The following SPAG1 variants were observed in gnomAD, a reference collection of about 807,000 sequenced individuals.
SPAG1 encodes sperm associated antigen 1, also known as sperm-associated antigen 1.
In SPAG1, 69 loss-of-function variants were observed where a neutral mutation model predicts 100.5. The ratio of observed to expected loss-of-function variants is 0.69; its 90% confidence interval spans 0.57 to 0.84. The LOEUF is 0.84. SPAG1 is among the 40% of genes least tolerant of loss of function. SPAG1 has a pLI of 0.00. For synonymous variants in SPAG1, 336 were observed against 411.6 expected (o/e 0.82, Z 2.22); for missense variants, 955 against 1,133.1 (o/e 0.84, Z 2.26).
intron 10 of SPAG1, among the ~76,000 whole-genome samples, chr8:100,206,990 C>G (rs999310063): frequency 5.3e-5 from 8 of 152,116 alleles, no homozygotes; most frequent in African/African-American, 1.7e-4. Context: ...TTGGCAGGCC[C>G]CCATAGATGA....
intron 3 of SPAG1, among the ~76,000 whole-genome samples, chr8:100,175,853 T>C (rs1816091254): frequency 6.6e-6 from 1 of 152,188 alleles, no homozygotes; most frequent in Non-Finnish European, 1.5e-5. Context: ...GGCCTTCTTG[T>C]TGTACAGCCA....
intron 9 of SPAG1, among the ~76,000 whole-genome samples, chr8:100,192,152 G>C (rs1816844204): frequency 6.6e-6 from 1 of 152,152 alleles, no homozygotes; most frequent in Non-Finnish European, 1.5e-5. Context: ...GGATTTATGT[G>C]ATGGCTGACA....
At chr8:100,223,051 A>G (rs1166554457) in intron 13 of SPAG1, among the ~76,000 whole-genome samples, 1 of 152,204 alleles carries the variant, frequency 6.6e-6, no homozygotes, top group Non-Finnish European at 1.5e-5. Context: ...TTCACTTAGC[A>G]TAATGTCTTC....
intron 9 of SPAG1, among the ~76,000 whole-genome samples, chr8:100,192,228 G>A (rs1013670664): frequency 6.6e-6 from 1 of 152,176 alleles, no homozygotes; most frequent in Non-Finnish European, 1.5e-5. Flanking sequence ...TCTTTGGGAG[G>A]CTGAGGCAGG....
intron 14 of SPAG1, among the ~76,000 whole-genome samples, chr8:100,230,396 G>A (rs906253357): frequency 5.3e-5 from 8 of 152,334 alleles, no homozygotes; most frequent in Admixed American, 3.9e-4. Flanking sequence ...GCTGTGTGAG[G>A]CAGCATAGAT....
In SPAG1 at chr8:100,186,060, C is replaced by CTTTTT. The variant is rs71274962; in HGVS notation, c.702-1041_702-1037dup. On this transcript the variant is annotated intron_variant, in intron 7 of 18. Transcript: ENST00000388798. ...ACCACTTTCTGACCTTGGGCAGATT[C>CTTTTT]TTTTTTTTTTTTTTTTTTTTTTTGA... Among the ~76,000 whole-genome samples the CTTTTT allele has an allele frequency of 7.1e-4, 64 of 89,946 alleles. 2 individuals are homozygous for CTTTTT. Among genetic ancestry groups the CTTTTT allele is most frequent in the Non-Finnish European group, 9.7e-4 (47 of 48,464 alleles). The allele number at this position is 89,946 out of a possible 152,430, so 59.0% of individuals were successfully genotyped here.
chr8:100,185,378 C>T (rs1586430967), intron 7 of SPAG1: 1 of 152,264 alleles, frequency 6.6e-6, no homozygotes, highest in East Asian at 1.9e-4. Context: ...TAGGTTAAAT[C>T]TCCATCTCAC....
chr8:100,198,882 A>G (rs1817146115), intron 10 of SPAG1, among the ~76,000 whole-genome samples: 1 of 152,208 alleles, frequency 6.6e-6, no homozygotes, highest in Admixed American at 6.5e-5. Context: ...GAATCATAGT[A>G]TGTAGACTTT....
In SPAG1 at chr8:100,213,379, C is replaced by A. The variant is rs892552125; in HGVS notation, c.1386C>A (p.Ala462=). 2 of 1,451,738 alleles carry A rather than the reference C, an allele frequency of 1.4e-6. No homozygotes were observed. The highest frequency in any genetic ancestry group is 9.1e-7 in the Non-Finnish European group (1 of 1,100,732). 89.9% of individuals were successfully genotyped at this position (1,451,738 alleles called of 1,614,324 possible). ...GNELFRSGQF[A]EAAGKYSAAI... The stretch of plus-strand genomic sequence containing the variant: ...AGCTGTTCCGAAGCGGGCAGTTCGC[C>A]GAGGCGGCCGGCAAGTACTCGGCGG... The change falls in exon 11 of 19, where the codon GCC becomes GCA. Residue 462 remains alanine, a synonymous_variant. Transcript: ENST00000388798.
At position 100,181,936 on chromosome 8, in the gene SPAG1, G is replaced by T. The variant is rs139325036; in HGVS notation, c.427-1439G>T. On this transcript the variant is annotated intron_variant, in intron 4 of 18. Coordinates refer to ENST00000388798, the MANE Select transcript of SPAG1 (RefSeq NM_003114.5). ...ACATTGTCTTTATGAGTAGGAAATC[G>T]AGTTCAAGCATCAAATGATACTTTT... 1.2e-4 allele frequency among the ~76,000 whole-genome samples: 18 copies of T among 152,260 alleles called. No homozygotes were observed. In the East Asian group the frequency reaches 1.9e-3, roughly 16 times the overall value.
chr8:100,225,605 T>C (rs1818473816), intron 14 of SPAG1, among the ~76,000 whole-genome samples: 1 of 150,082 alleles, frequency 6.7e-6, no homozygotes, highest in African/African-American at 2.5e-5. Context: ...ATTACAGGCA[T>C]GTACCACCAC....
At chr8:100,209,142 CT>C (rs777271869) in intron 10 of SPAG1, among the ~76,000 whole-genome samples, 36 of 152,176 alleles carry the variant, frequency 2.4e-4, no homozygotes, top group Non-Finnish European at 1.8e-4. Context: ...CAGCCTACAT[CT>C]TTCTCCTGTG....
chr8:100,240,998 C>T lies in SPAG1; in HGVS notation c.2757C>T (p.Ala919=). 1 of 1,610,856 alleles carries T rather than the reference C, an allele frequency of 6.2e-7. No homozygotes were observed. Among genetic ancestry groups the T allele is most frequent in the South Asian group, 1.1e-5 (1 of 90,508 alleles). Residue 919 remains alanine, a synonymous_variant, in exon 19 of 19, where the codon GCC becomes GCT. Coordinates refer to ENST00000388798, the MANE Select transcript of SPAG1 (RefSeq NM_003114.5). ...NNHFTLEDIQ[A]LKRQYEL is the part of the protein sequence containing the mutation. The stretch of plus-strand genomic sequence containing the variant: ...ATTTTACTTTAGAAGATATACAGGC[C>T]CTAAAAAGGCAGTATGAGCTTTAAA...
chr8:100,199,633 G>C (rs1817182187), intron 10 of SPAG1, among the ~76,000 whole-genome samples: 1 of 152,110 alleles, frequency 6.6e-6, no homozygotes, highest in African/African-American at 2.4e-5. Flanking sequence ...TTTTAGTAGA[G>C]ATGGAGTTTC....
rs778136474 is a variant in SPAG1, at chr8:100,183,372, T to A, written c.427-3T>A. On this transcript the variant is annotated splice_polypyrimidine_tract_variant and splice_region_variant and intron_variant, in intron 4 of 18. Transcript: ENST00000388798. ...CTCATAAAATATGATTTTATTCTTT[T>A]AGGAAAAATATTCTAAAAGACCAAC... is the stretch of plus-strand genomic sequence containing the variant. 1 of 1,279,208 alleles carries A rather than the reference T, an allele frequency of 7.8e-7. No homozygotes were observed. The allele number at this position is 1,279,208 out of a possible 1,614,324, so 79.2% of individuals were successfully genotyped here.
intron 14 of SPAG1, among the ~76,000 whole-genome samples, chr8:100,227,589 G>A (rs554539475): frequency 6.6e-6 from 1 of 152,258 alleles, no homozygotes; most frequent in Admixed American, 6.5e-5. Flanking sequence ...CAGTAAATAA[G>A]AGCTACTTCT....
intron 10 of SPAG1, among the ~76,000 whole-genome samples, chr8:100,204,270 G>T (rs1817411497): frequency 6.6e-6 from 1 of 152,156 alleles, no homozygotes. Flanking sequence ...TCCTGCCAGG[G>T]ACCTCTGGCC....
chr8:100,218,335 T>C (rs1283033070), intron 12 of SPAG1, among the ~76,000 whole-genome samples: 2 of 152,224 alleles, frequency 1.3e-5, no homozygotes, highest in Non-Finnish European at 2.9e-5. Context: ...GTGCTAAAAA[T>C]TAATACAGCA....
At chr8:100,221,280 A>G (rs531027098) in intron 13 of SPAG1, among the ~76,000 whole-genome samples, 1 of 152,264 alleles carries the variant, frequency 6.6e-6, no homozygotes, top group Admixed American at 6.5e-5. Flanking sequence ...TTTCTGTTAT[A>G]TGCCCTTGTA....
Sources: allele counts gnomAD v4.1 joint callset (sites outside exome capture counted in the v4.1 genomes callset), GRCh38; gene constraint gnomAD v4.1.1; transcripts MANE v1.5; gene names NCBI Gene and HGNC (gene_info 2026-07-23, HGNC 2026-07-21).